The following SPMIP8 variants were observed in gnomAD, a reference collection of about 807,000 sequenced individuals.
SPMIP8 encodes the protein sperm microtubule inner protein 8, also known as testicular tissue protein Li 196.
the SPMIP8 span, chr16:57,976,610 C>T: frequency 6.2e-7 from 1 of 1,614,046 alleles, no homozygotes; most frequent in Non-Finnish European, 8.5e-7. Context: ...GGGCCTGGGC[C>T]CTACAGATAA....
At chr16:57,977,863 A>G in the SPMIP8 span, 1 of 1,614,072 alleles carries the variant, frequency 6.2e-7, no homozygotes, top group Non-Finnish European at 8.5e-7. Flanking sequence ...GGCTCCACAC[A>G]TGTGTATGCC....
the SPMIP8 span, among the ~76,000 whole-genome samples, chr16:57,985,707 G>T: frequency 6.6e-6 from 1 of 152,192 alleles, no homozygotes; most frequent in African/African-American, 2.4e-5. Flanking sequence ...ATGAATACAT[G>T]TGTAATTCCT....
chr16:57,982,348 T>G, the SPMIP8 span, among the ~76,000 whole-genome samples: 1 of 152,242 alleles, frequency 6.6e-6, no homozygotes, highest in Non-Finnish European at 1.5e-5. Context: ...TTTCAGTTAC[T>G]TGTTATGTCT....
chr16:57,984,108 T>G, the SPMIP8 span, among the ~76,000 whole-genome samples: 1 of 151,984 alleles, frequency 6.6e-6, no homozygotes, highest in Non-Finnish European at 1.5e-5. Flanking sequence ...TTCACCATGT[T>G]GGCCAGTCTG....
chr16:57,981,425 T>TATAATTATA, the SPMIP8 span, among the ~76,000 whole-genome samples: 1 of 140,778 alleles, frequency 7.1e-6, no homozygotes, highest in Non-Finnish European at 1.5e-5. Flanking sequence ...TTATTATTAT[T>TATAATTATA]ATTATTATAA....
chr16:57,981,577 T>C, the SPMIP8 span, among the ~76,000 whole-genome samples: 11 of 131,566 alleles, frequency 8.4e-5, no homozygotes, highest in African/African-American at 3.3e-4. Context: ...AGTGGCGCTA[T>C]CTCGGCTCAC....
chr16:57,979,664 C>G, the SPMIP8 span, among the ~76,000 whole-genome samples: 1 of 151,918 alleles, frequency 6.6e-6, no homozygotes, highest in Non-Finnish European at 1.5e-5. Flanking sequence ...TAACCACCCC[C>G]CCACCACATT....
At chr16:57,981,392 A>AATAATTATT in the SPMIP8 span, among the ~76,000 whole-genome samples, 7 of 83,586 alleles carry the variant, frequency 8.4e-5, no homozygotes, top group African/African-American at 2.5e-4. Flanking sequence ...TAATAATAAT[A>AATAATTATT]ATTATTATTA....
At chr16:57,987,993 C>T in the SPMIP8 span, 1 of 152,518 alleles carries the variant, frequency 6.6e-6, no homozygotes, top group African/African-American at 2.4e-5. Context: ...AGGCCTATGG[C>T]CTTGATTCCT....
chr16:57,984,359 T>C, the SPMIP8 span: 1 of 1,614,130 alleles, frequency 6.2e-7, no homozygotes, highest in Non-Finnish European at 8.5e-7. Flanking sequence ...ACCCCTGCAG[T>C]GTTTGGTGAG....
the SPMIP8 span, among the ~76,000 whole-genome samples, chr16:57,983,228 C>T: frequency 1.5e-4 from 23 of 152,150 alleles, no homozygotes; most frequent in South Asian, 3.7e-3. Flanking sequence ...AGCAATCCTC[C>T]TGCCTCAGCT....
the SPMIP8 span, chr16:57,986,220 A>G: frequency 2.6e-6 from 1 of 384,004 alleles, no homozygotes. Context: ...TGTTAACTAG[A>G]AGGAGAGAAA....
the SPMIP8 span, chr16:57,984,943 T>C: frequency 1.0e-5 from 13 of 1,291,388 alleles, no homozygotes; most frequent in African/African-American, 4.5e-5. Flanking sequence ...GATGAAGCTG[T>C]GGCACTTGCG....
the SPMIP8 span, chr16:57,984,250 C>G: frequency 1.9e-6 from 3 of 1,593,316 alleles, no homozygotes; most frequent in Non-Finnish European, 1.7e-6. Flanking sequence ...CTCCTATGAC[C>G]TCTGACCACT....
the SPMIP8 span, chr16:57,985,171 C>A: frequency 2.9e-3 from 4,254 of 1,456,336 alleles, 13 homozygotes; most frequent in Middle Eastern, 7.0e-3. Flanking sequence ...TGGGGGGGGG[C>A]GGATGAGCGC....
At chr16:57,983,017 G>A in the SPMIP8 span, among the ~76,000 whole-genome samples, 277 of 152,222 alleles carry the variant, frequency 1.8e-3, 2 homozygotes, top group South Asian at 0.02. Flanking sequence ...GCGACAGAGC[G>A]AGACTCTGTC....
At chr16:57,985,109 T>C in the SPMIP8 span, 1 of 1,059,096 alleles carries the variant, frequency 9.4e-7, no homozygotes, top group Non-Finnish European at 1.2e-6. Flanking sequence ...GGCTGGATTG[T>C]GGGCGGGGCT....
chr16:57,976,701 C>T, the SPMIP8 span: 18 of 1,582,762 alleles, frequency 1.1e-5, no homozygotes, highest in African/African-American at 2.3e-4. Context: ...TGTCCCTCCC[C>T]AGGCAGTCAC....
At chr16:57,985,163 G>GT in the SPMIP8 span, 3 of 1,315,772 alleles carry the variant, frequency 2.3e-6, no homozygotes, top group East Asian at 8.3e-5. Flanking sequence ...GCTTGTCCTG[G>GT]GGGGGGGCGG....
Sources: allele counts gnomAD v4.1 joint callset (sites outside exome capture counted in the v4.1 genomes callset), GRCh38; gene constraint gnomAD v4.1.1; transcripts MANE v1.5; gene names NCBI Gene and HGNC (gene_info 2026-07-23, HGNC 2026-07-21).